The following ARHGAP8 variants were observed in gnomAD, a reference collection of about 807,000 sequenced individuals.
ARHGAP8 encodes the protein rho GTPase-activating protein 8.
A neutral mutation model predicts 46.1 loss-of-function variants in ARHGAP8; 62 were observed. The observed-to-expected ratio is 1.34, with a 90% CI of 1.10 to 1.66. The LOEUF (loss-of-function observed/expected upper bound fraction) is 1.66, where lower values mean the gene tolerates loss of function less well. ARHGAP8 is among the 40% of genes most tolerant of loss of function. The pLI is 0.00. For missense variants in ARHGAP8, 923 were observed against 568.4 expected (o/e 1.62, Z -6.34); for synonymous variants, 375 against 243.1 (o/e 1.54, Z -5.05).
intron 6 of ARHGAP8, among the ~76,000 whole-genome samples, chr22:44,824,495 GC>G (rs1055664755): frequency 6.6e-6 from 1 of 152,040 alleles, no homozygotes. Flanking sequence ...ATGGTCATGT[GC>G]CCCCCCATCC....
At position 44,807,523 on chromosome 22, in the gene ARHGAP8, C is replaced by T. The variant is rs112174415; in HGVS notation, c.168-784C>T. Among the ~76,000 whole-genome samples, 1,069 of 152,214 alleles carry T rather than the reference C, an allele frequency of 7.0e-3. 7 individuals carry two copies. Among genetic ancestry groups the T allele is most frequent in the African/African-American group, 0.023 (946 of 41,506 alleles). ...TTGCCTTAGAAATGCAGCAGGCAGC[C>T]GGGTGTCTGAGGTAGAAGGGCCTGT... On this transcript the variant is annotated intron_variant, in intron 3 of 11. Transcript: ENST00000356099.
intron 10 of ARHGAP8, among the ~76,000 whole-genome samples, chr22:44,855,264 G>C (rs1356865400): frequency 6.6e-6 from 1 of 152,026 alleles, no homozygotes; most frequent in East Asian, 1.9e-4. Flanking sequence ...TGACCTCTGG[G>C]CTCAAGCAAT....
chr22:44,770,703 G>A (rs1460851875), intron 1 of ARHGAP8, among the ~76,000 whole-genome samples: 1 of 152,182 alleles, frequency 6.6e-6, no homozygotes, highest in African/African-American at 2.4e-5. Flanking sequence ...ACTATGCCCA[G>A]CCTAATCTTG....
chr22:44,829,737 T>C (rs1930805255), intron 7 of ARHGAP8, among the ~76,000 whole-genome samples: 1 of 152,240 alleles, frequency 6.6e-6, no homozygotes, highest in Non-Finnish European at 1.5e-5. Context: ...TGAATGAAAG[T>C]CATTAAAATT....
intron 11 of ARHGAP8, among the ~76,000 whole-genome samples, chr22:44,862,000 A>C (rs564670347): frequency 1.3e-5 from 2 of 152,342 alleles, no homozygotes; most frequent in South Asian, 2.1e-4. Context: ...CAGAAGGTGC[A>C]GTGGAAGAGG....
intron 3 of ARHGAP8, among the ~76,000 whole-genome samples, chr22:44,804,781 A>G (rs962042899): frequency 6.6e-6 from 1 of 152,184 alleles, no homozygotes; most frequent in Admixed American, 6.5e-5. Context: ...TGGTTGCTTC[A>G]TGAGAGTCCC....
At chr22:44,850,094 G>T (rs1250023460) in intron 10 of ARHGAP8, 1 of 152,094 alleles carries the variant, frequency 6.6e-6, no homozygotes, top group Non-Finnish European at 1.5e-5. Flanking sequence ...GAGGGCATGG[G>T]GCTGGAGACT....
At chr22:44,798,222 C>T (rs543991927) in intron 2 of ARHGAP8, among the ~76,000 whole-genome samples, 53 of 152,062 alleles carry the variant, frequency 3.5e-4, no homozygotes, top group African/African-American at 1.2e-3. Flanking sequence ...GTGATCCACC[C>T]ACCTCGGCCT....
intron 11 of ARHGAP8, among the ~76,000 whole-genome samples, chr22:44,860,037 A>T (rs1407433604): frequency 6.6e-6 from 1 of 152,092 alleles, no homozygotes; most frequent in South Asian, 2.1e-4. Context: ...CCTGTCAGAC[A>T]GGGCGTACCT....
At chr22:44,833,100 T>TCTTTTCTTTC (rs1555917130) in intron 7 of ARHGAP8, among the ~76,000 whole-genome samples, 2 of 127,144 alleles carry the variant, frequency 1.6e-5, no homozygotes, top group Non-Finnish European at 3.4e-5. Context: ...TCTTTTCTTT[T>TCTTTTCTTTC]TTTTTTTTTT....
chr22:44,833,097 T>TTTTCTCTTC (rs761765911), intron 7 of ARHGAP8, among the ~76,000 whole-genome samples: 1 of 87,152 alleles, frequency 1.1e-5, no homozygotes. Flanking sequence ...TTTTCTTTTC[T>TTTTCTCTTC]TTTTTTTTTT....
intron 1 of ARHGAP8, 47 bp from the exon 2 acceptor site, chr22:44,786,410 G>A (rs999788379): frequency 1.6e-5 from 24 of 1,543,278 alleles, no homozygotes; most frequent in Middle Eastern, 3.4e-4. Context: ...CTCATTCCCC[G>A]CCTTACTGGA....
intron 1 of ARHGAP8, 123 bp from the exon 2 acceptor site, chr22:44,786,334 G>A (rs1927230727): frequency 1.8e-6 from 2 of 1,096,152 alleles, no homozygotes; most frequent in Non-Finnish European, 2.5e-6. Context: ...CACGGCTGAG[G>A]TAGGGCGCGT....
At chr22:44,855,289 C>T (rs8139558) in intron 10 of ARHGAP8, among the ~76,000 whole-genome samples, 21,445 of 152,068 alleles carry the variant, frequency 0.14, 1,812 homozygotes, top group African/African-American at 0.24. Context: ...CCACCTCAGC[C>T]TCCCAAGTAG....
intron 1 of ARHGAP8, among the ~76,000 whole-genome samples, chr22:44,767,020 AAGG>A (rs989336447): frequency 6.6e-6 from 1 of 152,186 alleles, no homozygotes; most frequent in African/African-American, 2.4e-5. Context: ...TACCTGTGTC[AAGG>A]TAAAAGAAAA....
At chr22:44,757,946 C>T (rs1260630448) in intron 1 of ARHGAP8, among the ~76,000 whole-genome samples, 1 of 152,104 alleles carries the variant, frequency 6.6e-6, no homozygotes, top group Admixed American at 6.6e-5. Context: ...TGACCCACCG[C>T]CCCCAGGCTG....
At chr22:44,810,053 G>T (rs1219198746) in intron 4 of ARHGAP8, among the ~76,000 whole-genome samples, 1 of 152,114 alleles carries the variant, frequency 6.6e-6, no homozygotes, top group African/African-American at 2.4e-5. Context: ...CCTCCAGGAA[G>T]GCTTCCTGGG....
intron 10 of ARHGAP8, among the ~76,000 whole-genome samples, chr22:44,853,152 A>T (rs773431952): frequency 6.6e-6 from 1 of 152,130 alleles, no homozygotes; most frequent in Non-Finnish European, 1.5e-5. Context: ...AGATTCCTAG[A>T]TGTTGGCTTG....
chr22:44,814,873 T>G, intron 5 of ARHGAP8, 115 bp downstream of exon 5: 1 of 1,264,472 alleles, frequency 7.9e-7, no homozygotes. Flanking sequence ...AGGGTGCCTG[T>G]GTATCTGGGG....
Sources: gnomAD v4.1 joint callset for allele counts (sites outside exome capture counted in the v4.1 genomes callset) on GRCh38, gnomAD v4.1.1 for gene constraint, MANE v1.5 for transcripts, NCBI Gene and HGNC (gene_info 2026-07-23, HGNC 2026-07-21) for gene names.